The following AUTS2 variants were observed in gnomAD, a reference collection of about 807,000 sequenced individuals.
The protein encoded by AUTS2 is activator of transcription and developmental regulator AUTS2.
In AUTS2, 17 loss-of-function variants were observed where a neutral mutation model predicts 112.4. That is an observed-to-expected ratio of 0.15 (90% CI 0.10 to 0.23). The LOEUF is 0.23. Ranked by LOEUF, AUTS2 falls within the 10% of genes least tolerant of loss-of-function variation. The probability of loss-of-function intolerance (pLI) is 1.00; values close to 1 mark genes in which losing one functional copy is unlikely to be tolerated. For missense variants in AUTS2, 1,510 were observed against 1,701.6 expected, an observed-to-expected ratio of 0.89 and a Z score of 1.98; for synonymous variants, 751 against 702.7, an observed-to-expected ratio of 1.07 and a Z score of -1.09.
intron 1 of AUTS2, among the ~76,000 whole-genome samples, chr7:69,734,605 A>G (rs938604449): frequency 6.6e-6 from 1 of 150,570 alleles, no homozygotes; most frequent in African/African-American, 2.4e-5. Flanking sequence ...TGAAATATAT[A>G]TATGTATATG....
At chr7:70,755,464 C>T (rs559756535) in intron 6 of AUTS2, among the ~76,000 whole-genome samples, 7 of 152,036 alleles carry the variant, frequency 4.6e-5, no homozygotes, top group Admixed American at 2.0e-4. Context: ...GTCAGGAGTT[C>T]GAGACCAGCC....
chr7:69,839,107 G>A (rs7456463), intron 1 of AUTS2, among the ~76,000 whole-genome samples: 38,058 of 152,076 alleles, frequency 0.25, 4,800 homozygotes, highest in Middle Eastern at 0.34. Context: ...GTATGTGTTA[G>A]AAAAAGGCCT....
chr7:69,923,490 A>G lies in AUTS2; in HGVS notation c.522+23992A>G, dbSNP rs887845910. Among the ~76,000 whole-genome samples the G allele has an allele frequency of 7.2e-5, 11 of 152,174 alleles. No individual in the cohort carries two copies. In the East Asian group the frequency reaches 2.1e-3, roughly 29 times the overall value. On this transcript the variant is annotated intron_variant, in intron 2 of 18. Coordinates refer to ENST00000342771, the MANE Select transcript of AUTS2 (RefSeq NM_015570.4). ...TTTTAGAATCAGCTTGTCAGGTTCT[A>G]TAAAGAATCTGGCCAAGATGTTGGT...
At chr7:69,980,082 C>T (rs1798232856) in intron 2 of AUTS2, among the ~76,000 whole-genome samples, 1 of 152,070 alleles carries the variant, frequency 6.6e-6, no homozygotes, top group Non-Finnish European at 1.5e-5. Context: ...TTCACCCCCT[C>T]ATCTACCATT....
At chr7:70,190,204 A>G (rs1017458267) in intron 4 of AUTS2, among the ~76,000 whole-genome samples, 6 of 152,216 alleles carry the variant, frequency 3.9e-5, no homozygotes, top group Admixed American at 2.0e-4. Flanking sequence ...GCTTTAGCCA[A>G]GGATACAGCA....
chr7:69,753,255 C>A (rs1409315876), intron 1 of AUTS2, among the ~76,000 whole-genome samples: 1 of 152,100 alleles, frequency 6.6e-6, no homozygotes, highest in African/African-American at 2.4e-5. Context: ...GGCTGGTCTG[C>A]TGGTCTGTCA....
At chr7:69,655,767 C>G (rs186090463) in intron 1 of AUTS2, among the ~76,000 whole-genome samples, 1 of 152,106 alleles carries the variant, frequency 6.6e-6, no homozygotes, top group Non-Finnish European at 1.5e-5. Flanking sequence ...GGGGGAGTGT[C>G]TCAGGGGAGG....
chr7:69,625,251 T>C (rs1312933227), intron 1 of AUTS2, among the ~76,000 whole-genome samples: 1 of 152,244 alleles, frequency 6.6e-6, no homozygotes, highest in Non-Finnish European at 1.5e-5. Context: ...CTTCTGGCCC[T>C]GAAGTAGTTC....
intron 1 of AUTS2, among the ~76,000 whole-genome samples, chr7:69,855,083 A>T (rs1004785542): frequency 3.3e-5 from 5 of 152,116 alleles, no homozygotes; most frequent in Admixed American, 3.3e-4. Flanking sequence ...TACAGAAAAC[A>T]AATAATTTTA....
At chr7:70,572,832 C>G (rs959792220) in intron 5 of AUTS2, among the ~76,000 whole-genome samples, 1 of 152,166 alleles carries the variant, frequency 6.6e-6, no homozygotes, top group African/African-American at 2.4e-5. Flanking sequence ...GGCCTTTGCT[C>G]TCAAGGGAGA....
intron 4 of AUTS2, among the ~76,000 whole-genome samples, chr7:70,174,020 G>A (rs1207465035): frequency 6.6e-6 from 1 of 152,186 alleles, no homozygotes; most frequent in Non-Finnish European, 1.5e-5. Flanking sequence ...CTCTAGAAAT[G>A]ATTTAGCTTA....
intron 1 of AUTS2, among the ~76,000 whole-genome samples, chr7:69,646,998 G>C (rs1189425681): frequency 6.6e-6 from 1 of 152,220 alleles, no homozygotes. Context: ...TGAGGCAGGA[G>C]AATGGCGTGA....
intron 4 of AUTS2, among the ~76,000 whole-genome samples, chr7:70,287,921 A>G (rs2129611481): frequency 6.6e-6 from 1 of 152,222 alleles, no homozygotes; most frequent in African/African-American, 2.4e-5. Flanking sequence ...TTCAGCCCTT[A>G]GATATTCCCA....
At chr7:70,751,239 G>A (rs1788824106) in intron 6 of AUTS2, among the ~76,000 whole-genome samples, 1 of 152,194 alleles carries the variant, frequency 6.6e-6, no homozygotes. Flanking sequence ...AGGTGTTAGG[G>A]TTAGCAGAGG....
intron 14 of AUTS2, among the ~76,000 whole-genome samples, chr7:70,777,803 T>C (rs1023484173): frequency 6.6e-6 from 1 of 152,258 alleles, no homozygotes; most frequent in African/African-American, 2.4e-5. Flanking sequence ...AATAAAATTA[T>C]AGTGACCAAG....
intron 2 of AUTS2, among the ~76,000 whole-genome samples, chr7:70,072,181 C>T (rs1242296849): frequency 6.6e-6 from 1 of 152,140 alleles, no homozygotes; most frequent in Non-Finnish European, 1.5e-5. Context: ...ACCTTCCCTC[C>T]GTGATCCCTG....
At chr7:69,997,170 T>C (rs775350231) in intron 2 of AUTS2, among the ~76,000 whole-genome samples, 1 of 152,200 alleles carries the variant, frequency 6.6e-6, no homozygotes, top group Non-Finnish European at 1.5e-5. Context: ...AGCAACCTTA[T>C]GAGGCACAGC....
At chr7:70,777,449 C>T (rs1790778571) in intron 14 of AUTS2, among the ~76,000 whole-genome samples, 1 of 152,036 alleles carries the variant, frequency 6.6e-6, no homozygotes, top group Non-Finnish European at 1.5e-5. Flanking sequence ...CCACCTCAGT[C>T]TCCCAAGCAG....
intron 5 of AUTS2, among the ~76,000 whole-genome samples, chr7:70,470,005 A>G (rs1246784180): frequency 6.6e-6 from 1 of 152,198 alleles, no homozygotes; most frequent in East Asian, 1.9e-4. Flanking sequence ...CTGGCTCTTC[A>G]AGGATAGCAT....
Sources: allele counts gnomAD v4.1 joint callset (sites outside exome capture counted in the v4.1 genomes callset), GRCh38; gene constraint gnomAD v4.1.1; transcripts MANE v1.5; gene names NCBI Gene and HGNC (gene_info 2026-07-23, HGNC 2026-07-21).